USH2A: variants seen among roughly 807,000 people sequenced by gnomAD.
The protein encoded by USH2A is usherin.
In USH2A, 443 loss-of-function variants were observed where a neutral mutation model predicts 538.9. The observed-to-expected ratio is 0.82, with a 90% CI of 0.76 to 0.89. The LOEUF (loss-of-function observed/expected upper bound fraction) is 0.89, where lower values mean the gene tolerates loss of function less well. Ranked by LOEUF, USH2A falls within the 40% of genes least tolerant of loss-of-function variation. USH2A has a pLI of 0.00. For missense variants in USH2A, 6,633 were observed against 6,324.8 expected (o/e 1.05, Z -1.65); for synonymous variants, 2,413 against 2,273.5 (o/e 1.06, Z -1.75).
intron 41 of USH2A, among the ~76,000 whole-genome samples, chr1:215,882,753 G>A (rs1664947933): frequency 6.6e-6 from 1 of 152,186 alleles, no homozygotes; most frequent in Middle Eastern, 3.4e-3. Context: ...TTGCTTTTCA[G>A]ACTTAATTGA....
intron 44 of USH2A, 79 bp downstream of exon 44, chr1:215,866,928 G>A: frequency 6.3e-7 from 1 of 1,583,254 alleles, no homozygotes. Context: ...ATGTGTACAT[G>A]GGGGAGGTTC....
intron 9 of USH2A, among the ~76,000 whole-genome samples, chr1:216,310,630 C>T (rs891028476): frequency 2.6e-5 from 4 of 152,160 alleles, no homozygotes; most frequent in Non-Finnish European, 1.5e-5. Context: ...GTGAGAGCTA[C>T]TAGTGAATTT....
intron 21 of USH2A, among the ~76,000 whole-genome samples, chr1:216,141,049 T>C (rs765935993): frequency 6.6e-6 from 1 of 152,140 alleles, no homozygotes; most frequent in Non-Finnish European, 1.5e-5. Context: ...CTGGAAAAAA[T>C]GGGGGCAGGG....
rs1454417963 is a variant in USH2A, at chr1:216,283,669, G to T, written c.1971+5611C>A. 3.3e-5 allele frequency among the ~76,000 whole-genome samples: 5 copies of T among 152,170 alleles called. No homozygotes were observed. In the East Asian group the frequency reaches 5.8e-4, roughly 18 times the overall value. On this transcript the variant is annotated intron_variant, in intron 11 of 71. Coordinates refer to ENST00000307340, the MANE Select transcript of USH2A (RefSeq NM_206933.4). ...CTCAAATCACAAAAAATTGTGATTT[G>T]ATCTTAAATAAAATTGAATTACTAA... is the stretch of plus-strand genomic sequence containing the variant.
chr1:215,979,143 GC>G (rs1289591469), intron 35 of USH2A, among the ~76,000 whole-genome samples: 1 of 152,260 alleles, frequency 6.6e-6, no homozygotes, highest in African/African-American at 2.4e-5. Flanking sequence ...AGGTAAGACA[GC>G]TTTTGCAGGG....
chr1:215,771,615 A>AAAAAAAAAAT (rs1661290760), intron 55 of USH2A, among the ~76,000 whole-genome samples: 1 of 140,572 alleles, frequency 7.1e-6, no homozygotes, highest in Non-Finnish European at 1.6e-5. Context: ...AAAAAAAAAA[A>AAAAAAAAAAT]AAAAAAAAAT....
chr1:216,421,987 T>G lies in USH2A; in HGVS notation c.350A>C (p.His117Pro). ...TGCAGAATTGCTATGGGCGTTAGGA[T>G]GCAGATCATTCTTGTCTGGTGTGAT... ...SCITPDKNDL[H>P]PNAHSNSASF... The change falls in exon 2 of 72, where the codon CAT becomes CCT. Residue 117 changes from histidine (H) to proline (P), a missense_variant. Transcript: ENST00000307340. 2.5e-6 allele frequency: 4 copies of G among 1,613,966 alleles called. No homozygotes were observed. Among genetic ancestry groups the G allele is most frequent in the Non-Finnish European group, 3.4e-6 (4 of 1,179,926 alleles).
intron 47 of USH2A, among the ~76,000 whole-genome samples, chr1:215,817,712 T>C (rs531735285): frequency 8.1e-4 from 123 of 152,012 alleles, no homozygotes; most frequent in Non-Finnish European, 1.5e-3. Flanking sequence ...CCGCTAAACA[T>C]GATGTCTACA....
chr1:216,181,052 T>G (rs2034484068), intron 20 of USH2A, among the ~76,000 whole-genome samples: 1 of 152,144 alleles, frequency 6.6e-6, no homozygotes, highest in Admixed American at 6.6e-5. Flanking sequence ...CTGTCTATTA[T>G]CTGACCAGGG....
intron 61 of USH2A, among the ~76,000 whole-genome samples, chr1:215,719,466 G>A (rs1659590737): frequency 6.6e-6 from 1 of 151,934 alleles, no homozygotes. Context: ...TAACAATGTG[G>A]TATCAGGAAA....
chr1:215,639,197 C>T lies in USH2A; in HGVS notation c.15010G>A (p.Val5004Ile). 6.2e-7 allele frequency: 1 copy of T among 1,614,160 alleles called. No homozygotes were observed. The highest frequency in any genetic ancestry group is 8.5e-7 in the Non-Finnish European group (1 of 1,180,022). ...QVICTTDEGS[V>I]KTPLIQYDTS... ...TCATATTGGATCAACGGCGTCTTAA[C>T]ACTTCCTTCGTCAGTCGTGCAGATG... The change falls in exon 69 of 72, where the codon GTT becomes ATT. Residue 5004 changes from valine to isoleucine, a missense_variant. By Grantham distance (29) the Val-to-Ile change is conservative (BLOSUM62 3). Transcript: ENST00000307340.
At chr1:216,028,162 C>A (rs61002076) in intron 32 of USH2A, among the ~76,000 whole-genome samples, 1 of 151,886 alleles carries the variant, frequency 6.6e-6, no homozygotes, top group East Asian at 1.9e-4. Flanking sequence ...CCAAGGTGGG[C>A]GGAATACTTG....
At chr1:216,189,196 C>T (rs917316995) in intron 20 of USH2A, among the ~76,000 whole-genome samples, 3 of 151,432 alleles carry the variant, frequency 2.0e-5, no homozygotes, top group Non-Finnish European at 4.4e-5. Flanking sequence ...GAGTTGTTTG[C>T]ATTAATGAAA....
chr1:216,047,290 T>C (rs555413664), intron 31 of USH2A, among the ~76,000 whole-genome samples: 24 of 152,206 alleles, frequency 1.6e-4, no homozygotes, highest in Admixed American at 7.2e-4. Context: ...GTATGAAGGG[T>C]ACCAGGTAAA....
At chr1:215,967,748 C>CAAA (rs112172077) in intron 36 of USH2A, among the ~76,000 whole-genome samples, 7,896 of 143,934 alleles carry the variant, frequency 0.055, 223 homozygotes, top group Admixed American at 0.091. Context: ...TGCTTCTTTG[C>CAAA]AAAAAAAAAA....
chr1:215,746,006 A>G (rs1179311019), intron 58 of USH2A, among the ~76,000 whole-genome samples: 2 of 152,204 alleles, frequency 1.3e-5, no homozygotes, highest in East Asian at 1.9e-4. Context: ...TTGTGGGCTC[A>G]TGTCAAAGTA....
chr1:215,736,669 G>GA (rs1461437699), intron 60 of USH2A, among the ~76,000 whole-genome samples: 1 of 151,736 alleles, frequency 6.6e-6, no homozygotes, highest in Non-Finnish European at 1.5e-5. Flanking sequence ...TAATCCAGTA[G>GA]AAAAAATTAG....
intron 38 of USH2A, 110 bp downstream of exon 38, chr1:215,934,506 C>A (rs1666441165): frequency 9.1e-7 from 1 of 1,096,114 alleles, no homozygotes; most frequent in African/African-American, 1.6e-5. Flanking sequence ...TACAATTGAG[C>A]CTCTAAGTTC....
At chr1:215,834,512 C>T (rs1663419608) in intron 47 of USH2A, among the ~76,000 whole-genome samples, 3 of 152,042 alleles carry the variant, frequency 2.0e-5, no homozygotes, top group African/African-American at 7.2e-5. Context: ...CAAAACATGG[C>T]AGTGTTTGCT....
Sources: gnomAD v4.1 joint callset for allele counts (sites outside exome capture counted in the v4.1 genomes callset) on GRCh38, gnomAD v4.1.1 for gene constraint, MANE v1.5 for transcripts, NCBI Gene and HGNC (gene_info 2026-07-23, HGNC 2026-07-21) for gene names.